The following PPP2R2B variants were observed in gnomAD, a reference collection of about 807,000 sequenced individuals.
PPP2R2B encodes the protein serine/threonine-protein phosphatase 2A 55 kDa regulatory subunit B beta isoform.
In PPP2R2B, 5 loss-of-function variants were observed where a neutral mutation model predicts 46.0. The ratio of observed to expected loss-of-function variants is 0.11; its 90% CI spans 0.06 to 0.23. The LOEUF (loss-of-function observed/expected upper bound fraction) is 0.23. Among genes scored for constraint, PPP2R2B ranks in the 10% least tolerant of loss-of-function variants. The pLI is 1.00. For missense variants in PPP2R2B, 367 were observed against 575.0 expected, an observed-to-expected ratio of 0.64 and a Z score of 3.70; for synonymous variants, 215 against 206.7, an observed-to-expected ratio of 1.04 and a Z score of -0.34.
intron 2 of PPP2R2B, among the ~76,000 whole-genome samples, chr5:146,866,288 G>A (rs1761306845): frequency 6.6e-6 from 1 of 152,088 alleles, no homozygotes; most frequent in Non-Finnish European, 1.5e-5. Flanking sequence ...CAATAACTTT[G>A]TACAGAAAAA....
At chr5:146,961,126 T>A (rs548856946) in intron 1 of PPP2R2B, among the ~76,000 whole-genome samples, 47 of 152,318 alleles carry the variant, frequency 3.1e-4, no homozygotes, top group African/African-American at 1.1e-3. Context: ...TGTAAATATG[T>A]ATTTGCATTA....
chr5:146,825,919 GT>G (rs1301905492), intron 2 of PPP2R2B, among the ~76,000 whole-genome samples: 2 of 152,064 alleles, frequency 1.3e-5, no homozygotes, highest in African/African-American at 2.4e-5. Context: ...TGAAGTTTTT[GT>G]TGTCTCCTCC....
chr5:146,735,382 C>G (rs912074141), intron 2 of PPP2R2B, among the ~76,000 whole-genome samples: 2 of 151,948 alleles, frequency 1.3e-5, no homozygotes, highest in African/African-American at 4.8e-5. Context: ...GACAGAGAAC[C>G]CTGAGGGGAT....
intron 2 of PPP2R2B, among the ~76,000 whole-genome samples, chr5:146,803,646 T>C (rs1175722731): frequency 6.6e-6 from 1 of 152,184 alleles, no homozygotes; most frequent in African/African-American, 2.4e-5. Flanking sequence ...CTATGACATG[T>C]GCAGCTCCTA....
rs552934179 is a variant in PPP2R2B at position 146,795,998 on chromosome 5, G to A, written c.70+82004C>T. On this transcript the variant is annotated intron_variant, in intron 2 of 9. Transcript: ENST00000394411. The stretch of plus-strand genomic sequence containing the variant: ...ATGCCTGCATATAGACTATCCCTAC[G>A]TTTTGTCACTATTGAACTCAGCTGC... Among the ~76,000 whole-genome samples the A allele has an allele frequency of 5.9e-5, 9 of 152,130 alleles. No homozygotes were observed. The South Asian group carries it at 6.2e-4, about 11-fold the overall frequency.
At chr5:146,595,745 A>T (rs1771107290) in intron 8 of PPP2R2B, among the ~76,000 whole-genome samples, 1 of 152,244 alleles carries the variant, frequency 6.6e-6, no homozygotes, top group African/African-American at 2.4e-5. Flanking sequence ...ATAAAGTGAG[A>T]TGTATACATG....
intron 2 of PPP2R2B, among the ~76,000 whole-genome samples, chr5:146,760,130 A>G (rs891418056): frequency 5.3e-5 from 8 of 152,346 alleles, no homozygotes; most frequent in Admixed American, 1.3e-4. Context: ...CACAGTAAAC[A>G]CGAATAAATT....
chr5:146,969,564 C>T (rs1582518902), intron 1 of PPP2R2B, among the ~76,000 whole-genome samples: 1 of 152,212 alleles, frequency 6.6e-6, no homozygotes, highest in African/African-American at 2.4e-5. Flanking sequence ...AGAGGCTAGA[C>T]AAGGCTATAC....
chr5:147,020,941 T>C (rs933012501), intron 1 of PPP2R2B, among the ~76,000 whole-genome samples: 1 of 152,236 alleles, frequency 6.6e-6, no homozygotes, highest in Non-Finnish European at 1.5e-5. Context: ...TGATATTCTA[T>C]ATGCTATATT....
intron 1 of PPP2R2B, among the ~76,000 whole-genome samples, chr5:146,937,821 T>C (rs1764204049): frequency 1.3e-5 from 2 of 152,200 alleles, no homozygotes; most frequent in Non-Finnish European, 2.9e-5. Context: ...GTATGTACAA[T>C]GTTTTTATTT....
intron 7 of PPP2R2B, among the ~76,000 whole-genome samples, chr5:146,633,740 G>T (rs1267698546): frequency 6.6e-6 from 1 of 152,160 alleles, no homozygotes; most frequent in East Asian, 1.9e-4. Flanking sequence ...GGGCTGTGTG[G>T]GGCTGAGGCT....
In PPP2R2B at chr5:146,815,541, G is replaced by A. The variant is rs934497714; in HGVS notation, c.70+62461C>T. Reference sequence around the variant, plus strand: ...AAACTAAATGCCTTCAGGAGTGCACGCAAGTGAAATACTTAAGAGGAAGGG... The same window carrying A: ...AAACTAAATGCCTTCAGGAGTGCACACAAGTGAAATACTTAAGAGGAAGGG... On this transcript the variant is annotated intron_variant, in intron 2 of 9. Coordinates refer to ENST00000394411, the MANE Select transcript of PPP2R2B (RefSeq NM_181675.4). Among the ~76,000 whole-genome samples the A allele has an allele frequency of 3.3e-5, 5 of 152,344 alleles. No homozygotes were observed. The East Asian group carries it at 5.8e-4, about 18-fold the overall frequency.
chr5:146,707,966 C>T (rs1193529092), intron 2 of PPP2R2B, among the ~76,000 whole-genome samples: 1 of 152,118 alleles, frequency 6.6e-6, no homozygotes, highest in East Asian at 1.9e-4. Context: ...AATACTTGAA[C>T]AATTTTTAAC....
intron 2 of PPP2R2B, among the ~76,000 whole-genome samples, chr5:146,715,489 C>T (rs1341580300): frequency 1.3e-5 from 2 of 152,192 alleles, no homozygotes; most frequent in African/African-American, 4.8e-5. Flanking sequence ...TATATACATA[C>T]ACTCTCTTCC....
At chr5:146,819,236 C>G (rs1758112391) in intron 2 of PPP2R2B, among the ~76,000 whole-genome samples, 1 of 152,190 alleles carries the variant, frequency 6.6e-6, no homozygotes, top group Non-Finnish European at 1.5e-5. Flanking sequence ...CCTGCATCTT[C>G]TGTGTTGTGA....
chr5:146,713,034 T>C (rs181894487), intron 2 of PPP2R2B, among the ~76,000 whole-genome samples: 1 of 152,306 alleles, frequency 6.6e-6, no homozygotes, highest in Admixed American at 6.5e-5. Context: ...TCAATGAACA[T>C]ATTAAATTAC....
chr5:146,866,985 A>T (rs1761349134), intron 2 of PPP2R2B, among the ~76,000 whole-genome samples: 1 of 152,234 alleles, frequency 6.6e-6, no homozygotes, highest in African/African-American at 2.4e-5. Context: ...GTTGAGTTGC[A>T]TGTTTACTGA....
chr5:146,879,777 C>T (rs185021540), upstream of PPP2R2B, among the ~76,000 whole-genome samples: 1 of 152,212 alleles, frequency 6.6e-6, no homozygotes, highest in Admixed American at 6.5e-5. Context: ...ACTAGAAAGC[C>T]AATTTGGAAA....
intron 2 of PPP2R2B, among the ~76,000 whole-genome samples, chr5:147,077,435 T>C (rs947947436): frequency 2.6e-5 from 4 of 151,744 alleles, no homozygotes; most frequent in African/African-American, 9.7e-5. Context: ...TAGTAAGTGA[T>C]AGAACTGAAA....
Sources: gnomAD v4.1 joint callset for allele counts (sites outside exome capture counted in the v4.1 genomes callset) on GRCh38, gnomAD v4.1.1 for gene constraint, MANE v1.5 for transcripts, NCBI Gene and HGNC (gene_info 2026-07-23, HGNC 2026-07-21) for gene names.